LDAH: variants seen among roughly 807,000 people sequenced by gnomAD.
LDAH encodes lipid droplet-associated hydrolase.
In LDAH, 26 loss-of-function variants were observed where a neutral mutation model predicts 29.6. The ratio of observed to expected loss-of-function variants is 0.88; its 90% CI spans 0.64 to 1.22. The LOEUF (loss-of-function observed/expected upper bound fraction) is 1.22. LDAH is among the 50% of genes most tolerant of loss of function. The pLI is 0.00. For synonymous variants in LDAH, 117 were observed against 133.0 expected (o/e 0.88, Z 0.83); for missense variants, 344 against 387.3 (o/e 0.89, Z 0.94).
chr2:20,731,234 C>G (rs1666380170), intron 5 of LDAH, among the ~76,000 whole-genome samples: 1 of 152,166 alleles, frequency 6.6e-6, no homozygotes, highest in Non-Finnish European at 1.5e-5. Context: ...TGAGAGGTAA[C>G]TGAATCATGG....
chr2:20,788,823 T>A (rs1670739924), intron 3 of LDAH: 1 of 270,168 alleles, frequency 3.7e-6, no homozygotes, highest in Non-Finnish European at 7.1e-6. Flanking sequence ...TGTACTTTTA[T>A]AAAGTTATGT....
chr2:20,719,240 T>TTTTTAA (rs1553338633), intron 5 of LDAH, among the ~76,000 whole-genome samples: 3 of 148,586 alleles, frequency 2.0e-5, no homozygotes, highest in Non-Finnish European at 3.0e-5. Flanking sequence ...TTTTTTTTTT[T>TTTTTAA]AAAGATAGAC....
intron 3 of LDAH, among the ~76,000 whole-genome samples, chr2:20,777,498 C>G (rs1669900924): frequency 6.6e-6 from 1 of 152,106 alleles, no homozygotes; most frequent in Admixed American, 6.5e-5. Flanking sequence ...AATCTCAGCT[C>G]ACTGCAACCT....
chr2:20,791,147 G>A (rs531717466), intron 2 of LDAH, among the ~76,000 whole-genome samples: 23 of 152,120 alleles, frequency 1.5e-4, no homozygotes, highest in Non-Finnish European at 3.1e-4. Context: ...CATCCTTGTC[G>A]AATTTCACTG....
At chr2:20,707,649 G>A (rs979402407) in intron 5 of LDAH, among the ~76,000 whole-genome samples, 2 of 152,172 alleles carry the variant, frequency 1.3e-5, no homozygotes, top group Non-Finnish European at 2.9e-5. Context: ...ACAATTGTAT[G>A]AGAAATTTTG....
At position 20,813,702 on chromosome 2, in the gene LDAH, A is replaced by T. The variant is rs536716942; in HGVS notation, c.-3+9335T>A. On this transcript the variant is annotated intron_variant, in intron 1 of 6. Transcript: ENST00000237822. ...AATTCTTTTAGCGATGTAGAATGGT[A>T]TCTTTCCCTCTGCAACCCTATCATC... 3.9e-5 allele frequency among the ~76,000 whole-genome samples: 6 copies of T among 152,332 alleles called. No homozygotes were observed. The South Asian group carries it at 1.0e-3, about 26-fold the overall frequency.
chr2:20,713,094 C>T (rs1487929979), intron 5 of LDAH, among the ~76,000 whole-genome samples: 1 of 152,156 alleles, frequency 6.6e-6, no homozygotes. Context: ...TTGTCAGATT[C>T]ACCAAGGTTG....
At chr2:20,762,825 T>C (rs890821749) in intron 4 of LDAH, among the ~76,000 whole-genome samples, 1 of 152,192 alleles carries the variant, frequency 6.6e-6, no homozygotes, top group Non-Finnish European at 1.5e-5. Flanking sequence ...TACAGACTAG[T>C]GACTTCCATC....
At chr2:20,768,381 C>T (rs1669182740) in intron 4 of LDAH, among the ~76,000 whole-genome samples, 1 of 152,190 alleles carries the variant, frequency 6.6e-6, no homozygotes, top group African/African-American at 2.4e-5. Flanking sequence ...CTGGTGCCAG[C>T]TGGGGAAGCT....
chr2:20,703,528 C>T (rs1664099309), intron 5 of LDAH, among the ~76,000 whole-genome samples: 1 of 152,204 alleles, frequency 6.6e-6, no homozygotes, highest in African/African-American at 2.4e-5. Context: ...TATACTTACA[C>T]CTTTACTTCT....
rs1279273870 is a variant in LDAH, at chr2:20,755,123, CTGTGTTTGTG to C, written c.469-14928_469-14919del. On this transcript the variant is annotated intron_variant, in intron 4 of 6. Transcript: ENST00000237822. ...CGGTTCAAGAAGAAATATTGTGTGT[CTGTGTTTGTG>C]TGTGTGTGTGTGTGTGTGTGTGTGT... 8.5e-4 allele frequency among the ~76,000 whole-genome samples: 73 copies of C among 85,862 alleles called. 1 individual carries two copies. Among genetic ancestry groups the C allele is most frequent in the Middle Eastern group, 5.6e-3 (1 of 180 alleles). 56.3% of individuals were successfully genotyped at this position (85,862 alleles called of 152,430 possible). A position where few individuals can be genotyped will look rare whatever the true frequency, so the allele number is the denominator to read the frequency against.
Position 20,685,361 on chromosome 2 carries a change from A to T in LDAH, c.*1542T>A. ...TCCTAGCTTCTAACATCCGATTTCTAGGCCTCTCATGCAGATGCCAATAAA... is the reference window on the plus strand; with the variant it reads ...TCCTAGCTTCTAACATCCGATTTCTTGGCCTCTCATGCAGATGCCAATAAA... On this transcript the variant is annotated 3_prime_UTR_variant, in exon 7 of 7. Transcript: ENST00000237822. The T allele has an allele frequency of 1.5e-6, 1 of 683,530 alleles. No homozygotes were observed. The highest frequency in any genetic ancestry group is 2.3e-6 in the Non-Finnish European group (1 of 434,898). The allele number at this position is 683,530 out of a possible 1,614,324, so 42.3% of individuals were successfully genotyped here.
At chr2:20,786,863 C>A in intron 3 of LDAH, among the ~76,000 whole-genome samples, 1 of 152,160 alleles carries the variant, frequency 6.6e-6, no homozygotes, top group Non-Finnish European at 1.5e-5. Flanking sequence ...GGATAAAGCT[C>A]TGGAACTCTT....
At chr2:20,728,450 T>G (rs1666167090) in intron 5 of LDAH, among the ~76,000 whole-genome samples, 1 of 152,222 alleles carries the variant, frequency 6.6e-6, no homozygotes, top group Admixed American at 6.5e-5. Context: ...GTAGCTGGTA[T>G]GAACATTAGT....
Position 20,685,407 on chromosome 2 carries a change from G to A in LDAH, c.*1496C>T. Reference sequence around the variant, plus strand: ...ATAAAGGATCTGTGTACAGCCCTGTGCTTACGGCCTATGTATCTATTAGCT... The same window carrying A: ...ATAAAGGATCTGTGTACAGCCCTGTACTTACGGCCTATGTATCTATTAGCT... On this transcript the variant is annotated 3_prime_UTR_variant, in exon 7 of 7. Coordinates refer to ENST00000237822, the MANE Select transcript of LDAH (RefSeq NM_021925.4). The A allele has an allele frequency of 9.3e-7, 1 of 1,074,442 alleles. No homozygotes were observed. Among genetic ancestry groups the A allele is most frequent in the Non-Finnish European group, 1.3e-6 (1 of 765,190 alleles). The allele number at this position is 1,074,442 out of a possible 1,614,324, so 66.6% of individuals were successfully genotyped here.
intron 5 of LDAH, among the ~76,000 whole-genome samples, chr2:20,729,359 GTATTTAGTAAATA>G (rs1219576513): frequency 6.6e-6 from 1 of 152,170 alleles, no homozygotes; most frequent in African/African-American, 2.4e-5. Flanking sequence ...GACATATTAT[GTATTTAGTAAATA>G]TACCGTTAAG....
intron 1 of LDAH, among the ~76,000 whole-genome samples, chr2:20,806,080 A>G (rs1672048605): frequency 6.6e-6 from 1 of 152,152 alleles, no homozygotes; most frequent in Non-Finnish European, 1.5e-5. Context: ...ACTGTAGATG[A>G]TAACAACTTT....
At chr2:20,734,036 T>G (rs1244615277) in intron 5 of LDAH, among the ~76,000 whole-genome samples, 1 of 152,208 alleles carries the variant, frequency 6.6e-6, no homozygotes, top group Non-Finnish European at 1.5e-5. Flanking sequence ...ATATCAATTC[T>G]GTTTTGGGTG....
At chr2:20,770,854 C>G (rs1213221351) in intron 4 of LDAH, among the ~76,000 whole-genome samples, 2 of 152,100 alleles carry the variant, frequency 1.3e-5, no homozygotes, top group African/African-American at 4.8e-5. Flanking sequence ...AGAGCCAAGG[C>G]TGAATACTGG....
Sources: allele counts gnomAD v4.1 joint callset (sites outside exome capture counted in the v4.1 genomes callset), GRCh38; gene constraint gnomAD v4.1.1; transcripts MANE v1.5; gene names NCBI Gene and HGNC (gene_info 2026-07-23, HGNC 2026-07-21).